Variants in DGKB observed in about 807,000 individuals in gnomAD.
The protein encoded by DGKB is diacylglycerol kinase beta, also known as 90 kDa diacylglycerol kinase.
DGKB carries 67 observed loss-of-function variants against 114.3 expected under a neutral mutation model. That is an observed-to-expected ratio of 0.59 (90% confidence interval 0.48 to 0.72). The LOEUF is 0.72. Ranked by LOEUF, DGKB falls within the 30% of genes least tolerant of loss-of-function variation. DGKB has a pLI of 0.00. For synonymous variants in DGKB, 398 were observed against 323.1 expected (o/e 1.23, Z -2.49); for missense variants, 907 against 975.2 (o/e 0.93, Z 0.93).
chr7:14,288,062 T>A (rs1427692473), intron 23 of DGKB, among the ~76,000 whole-genome samples: 1 of 152,146 alleles, frequency 6.6e-6, no homozygotes, highest in Admixed American at 6.6e-5. Flanking sequence ...GAGATGCTTA[T>A]GGTTCTTATA....
intron 16 of DGKB, among the ~76,000 whole-genome samples, chr7:14,608,086 T>A (rs1174710214): frequency 1.6e-4 from 24 of 152,038 alleles, no homozygotes; most frequent in Non-Finnish European, 1.5e-5. Flanking sequence ...TAGCAGCATA[T>A]GACAAATAAT....
intron 21 of DGKB, among the ~76,000 whole-genome samples, chr7:14,427,437 C>T (rs998708193): frequency 2.6e-5 from 4 of 152,052 alleles, no homozygotes; most frequent in Middle Eastern, 6.4e-3. Context: ...CCCTCCAAAC[C>T]GTTCCAACCT....
chr7:14,493,306 C>T lies in DGKB; in HGVS notation c.1771-15081G>A, dbSNP rs533206474. Among the ~76,000 whole-genome samples, 6 of 151,868 alleles carry T rather than the reference C, an allele frequency of 4.0e-5. No individual in the cohort carries two copies. The East Asian group carries it at 1.2e-3, about 29-fold the overall frequency. On this transcript the variant is annotated intron_variant, in intron 20 of 25. Transcript: ENST00000402815. ...CCTGAAACTGCAGATAGTACAGAAC[C>T]GTGTATATAAGTATATATATGGTTT... is the stretch of plus-strand genomic sequence containing the variant.
chr7:14,550,938 A>C (rs965597623), intron 20 of DGKB, among the ~76,000 whole-genome samples: 1 of 152,188 alleles, frequency 6.6e-6, no homozygotes, highest in Admixed American at 6.5e-5. Context: ...TAGACAAAAA[A>C]TTCTTCCTTT....
chr7:14,813,493 CA>C (rs1461842943), intron 2 of DGKB, among the ~76,000 whole-genome samples: 1 of 152,070 alleles, frequency 6.6e-6, no homozygotes, highest in Non-Finnish European at 1.5e-5. Context: ...CTTTAGCAGC[CA>C]CCAGATATTT....
chr7:14,804,764 C>T (rs571155433), intron 2 of DGKB, among the ~76,000 whole-genome samples: 30 of 152,156 alleles, frequency 2.0e-4, no homozygotes, highest in African/African-American at 7.0e-4. Context: ...CCACTAATCT[C>T]TTTGATTGTT....
upstream of DGKB, among the ~76,000 whole-genome samples, chr7:14,904,826 C>A (rs1783598314): frequency 6.6e-6 from 1 of 152,052 alleles, no homozygotes; most frequent in African/African-American, 2.4e-5. Context: ...CTGAAGAGTA[C>A]CTTTTTTATA....
chr7:14,891,798 A>C (rs1399256850), intron 1 of DGKB, among the ~76,000 whole-genome samples: 1 of 151,474 alleles, frequency 6.6e-6, no homozygotes, highest in Non-Finnish European at 1.5e-5. Context: ...CCTGGGTGGC[A>C]GGGCTCTGTA....
At chr7:14,969,172 C>T (rs1320734082) in intron 1 of DGKB, among the ~76,000 whole-genome samples, 2 of 152,114 alleles carry the variant, frequency 1.3e-5, no homozygotes, top group African/African-American at 2.4e-5. Flanking sequence ...CTTAAGATTT[C>T]TAGTATCGCA....
chr7:14,650,038 T>C (rs1269683656), intron 13 of DGKB, among the ~76,000 whole-genome samples: 1 of 151,890 alleles, frequency 6.6e-6, no homozygotes, highest in Admixed American at 6.6e-5. Context: ...CTCCCACGCA[T>C]TAATAAAGGG....
In DGKB at chr7:14,823,295, T is replaced by C. The variant is rs141736330; in HGVS notation, c.70+17899A>G. On this transcript the variant is annotated intron_variant, in intron 2 of 25. Transcript: ENST00000402815. ...TTAAGACCTATTTCTGCTTAATTAC[T>C]ACTTTTTATTTCTAAAACCAGCAGA... Among the ~76,000 whole-genome samples the C allele has an allele frequency of 2.9e-3, 435 of 152,166 alleles. 1 individual carries two copies. Among genetic ancestry groups the C allele is most frequent in the Middle Eastern group, 7.5e-3 (2 of 266 alleles).
chr7:14,841,399 G>T lies in DGKB; in HGVS notation c.-136C>A, dbSNP rs1410467101. ...CTCAGGCTTTCAAAATATGCAATCTGTCCACATGAAACTGCTTTGGATGCT... is the reference window on the plus strand; with the variant it reads ...CTCAGGCTTTCAAAATATGCAATCTTTCCACATGAAACTGCTTTGGATGCT... On this transcript the variant is annotated 5_prime_UTR_variant, in exon 2 of 26. Transcript: ENST00000402815. 1 of 644,074 alleles carries T rather than the reference G, an allele frequency of 1.6e-6. No individual in the cohort carries two copies. The highest frequency in any genetic ancestry group is 2.6e-6 in the Non-Finnish European group (1 of 389,018). 39.9% of individuals were successfully genotyped at this position (644,074 alleles called of 1,614,324 possible).
At chr7:14,358,955 T>C (rs1401778835) in intron 21 of DGKB, among the ~76,000 whole-genome samples, 1 of 152,008 alleles carries the variant, frequency 6.6e-6, no homozygotes, top group East Asian at 1.9e-4. Context: ...TACCTTAAAG[T>C]TCATATGGGA....
intron 2 of DGKB, among the ~76,000 whole-genome samples, chr7:14,789,250 C>A (rs1840324462): frequency 6.6e-6 from 1 of 152,068 alleles, no homozygotes; most frequent in African/African-American, 2.4e-5. Context: ...AATAAACAGA[C>A]CAACACTGTC....
intron 20 of DGKB, among the ~76,000 whole-genome samples, chr7:14,489,329 T>C (rs1349911810): frequency 6.6e-6 from 1 of 152,224 alleles, no homozygotes; most frequent in East Asian, 1.9e-4. Context: ...TATTTAAAAC[T>C]GTTCATTTCA....
intron 1 of DGKB, among the ~76,000 whole-genome samples, chr7:14,943,886 C>G (rs1257272774): frequency 4.0e-5 from 6 of 151,868 alleles, no homozygotes; most frequent in Admixed American, 1.3e-4. Context: ...CCCCACAACT[C>G]CTTATTTTCT....
chr7:14,874,335 G>A (rs920783889), intron 1 of DGKB, among the ~76,000 whole-genome samples: 15 of 152,022 alleles, frequency 9.9e-5, no homozygotes, highest in African/African-American at 3.6e-4. Context: ...GATTTTTAGA[G>A]AGACAAGTTA....
chr7:14,722,071 G>C (rs146739466), intron 5 of DGKB, among the ~76,000 whole-genome samples: 19 of 152,262 alleles, frequency 1.2e-4, no homozygotes, highest in Non-Finnish European at 2.8e-4. Context: ...CTCCACCAAA[G>C]TAGTACGTTA....
chr7:14,248,377 T>C (rs1047924147), intron 23 of DGKB, among the ~76,000 whole-genome samples: 3 of 152,122 alleles, frequency 2.0e-5, no homozygotes, highest in Non-Finnish European at 4.4e-5. Flanking sequence ...TGTTTTCTAT[T>C]TCTGTGAAAA....
Sources: gnomAD v4.1 joint callset for allele counts (sites outside exome capture counted in the v4.1 genomes callset) on GRCh38, gnomAD v4.1.1 for gene constraint, MANE v1.5 for transcripts, NCBI Gene and HGNC (gene_info 2026-07-23, HGNC 2026-07-21) for gene names.